The following TBC1D22B variants were observed in gnomAD, a reference collection of about 807,000 sequenced individuals.
The protein encoded by TBC1D22B is TBC1 domain family member 22B.
TBC1D22B carries 32 observed loss-of-function variants against 69.1 expected under a neutral mutation model. The ratio of observed to expected loss-of-function variants is 0.46; its 90% CI spans 0.35 to 0.62. The LOEUF (loss-of-function observed/expected upper bound fraction) is 0.62, where lower values mean the gene tolerates loss of function less well. TBC1D22B is among the 20% of genes least tolerant of loss of function. The pLI is 0.00. For missense variants in TBC1D22B, 462 were observed against 630.9 expected, an observed-to-expected ratio of 0.73 and a Z score of 2.87; for synonymous variants, 206 against 229.8, an observed-to-expected ratio of 0.90 and a Z score of 0.94.
intron 8 of TBC1D22B, among the ~76,000 whole-genome samples, chr6:37,291,755 G>A (rs1767192979): frequency 6.6e-6 from 1 of 152,180 alleles, no homozygotes; most frequent in East Asian, 1.9e-4. Flanking sequence ...ATGTGGACGT[G>A]CAGAGGACAA....
chr6:37,282,303 C>A lies in TBC1D22B; in HGVS notation c.540C>A (p.Val180=), dbSNP rs763426723. 1 of 1,613,946 alleles carries A rather than the reference C, an allele frequency of 6.2e-7. No homozygotes were observed. Among genetic ancestry groups the A allele is most frequent in the Non-Finnish European group, 8.5e-7 (1 of 1,179,874 alleles). The change falls in exon 4 of 13, where the codon GTC becomes GTA. Residue 180 remains valine, a synonymous_variant. Transcript: ENST00000373491. ...CTTCTGGGGCCCCCCCAATGACTGT[C>A]CGGGAGAAAACCCGCCTAGAAAAAT... ...QNASGAPPMT[V]REKTRLEKFR... is the part of the protein sequence containing the mutation.
intron 6 of TBC1D22B, among the ~76,000 whole-genome samples, chr6:37,284,816 A>G (rs1157703604): frequency 6.6e-6 from 1 of 152,158 alleles, no homozygotes; most frequent in Non-Finnish European, 1.5e-5. Context: ...CTCCCTTGCA[A>G]TGCTGCTGCT....
At chr6:37,307,418 T>C (rs1767758678) in intron 8 of TBC1D22B, among the ~76,000 whole-genome samples, 1 of 151,356 alleles carries the variant, frequency 6.6e-6, no homozygotes, top group Non-Finnish European at 1.5e-5. Context: ...TGCAGTGGCA[T>C]AATCTCGGCT....
chr6:37,273,546 T>C (rs1222800987), intron 2 of TBC1D22B, among the ~76,000 whole-genome samples: 1 of 152,258 alleles, frequency 6.6e-6, no homozygotes, highest in Admixed American at 6.5e-5. Flanking sequence ...AGGCAAACTT[T>C]ATATACTATT....
chr6:37,325,428 T>C (rs913471592), intron 12 of TBC1D22B, among the ~76,000 whole-genome samples: 3 of 152,188 alleles, frequency 2.0e-5, no homozygotes, highest in Admixed American at 6.5e-5. Flanking sequence ...ACTGGCTTTG[T>C]AACAAATCTT....
At chr6:37,317,876 A>G (rs1192317049) in intron 12 of TBC1D22B, among the ~76,000 whole-genome samples, 1 of 152,096 alleles carries the variant, frequency 6.6e-6, no homozygotes, top group Non-Finnish European at 1.5e-5. Flanking sequence ...AGCATGCCTG[A>G]GCTATGGAAG....
intron 1 of TBC1D22B, among the ~76,000 whole-genome samples, chr6:37,261,940 GGTCAGTGTGTGT>G (rs1766111297): frequency 1.1e-5 from 1 of 91,986 alleles, no homozygotes; most frequent in African/African-American, 4.1e-5. Flanking sequence ...AAAAAGCTTT[GGTCAGTGTGTGT>G]GTGTGTGTGT....
At chr6:37,313,420 G>T (rs548223885) in intron 9 of TBC1D22B, among the ~76,000 whole-genome samples, 9 of 152,044 alleles carry the variant, frequency 5.9e-5, no homozygotes, top group African/African-American at 2.2e-4. Flanking sequence ...AGCCTAGGAG[G>T]TCAAAGCTGT....
chr6:37,317,264 C>T, intron 12 of TBC1D22B, 58 bp downstream of exon 12: 1 of 1,495,820 alleles, frequency 6.7e-7, no homozygotes, highest in East Asian at 2.5e-5. Context: ...GGAGTTAGCC[C>T]CTCAGTGGGC....
chr6:37,311,737 T>C (rs1767918242), intron 8 of TBC1D22B, among the ~76,000 whole-genome samples: 1 of 152,200 alleles, frequency 6.6e-6, no homozygotes, highest in Admixed American at 6.5e-5. Context: ...CTAATGCCTG[T>C]GTCTCTGTAG....
rs78842403 is a variant in TBC1D22B at position 37,275,708 on chromosome 6, G to A, written c.114-3596G>A. Among the ~76,000 whole-genome samples, 861 of 151,746 alleles carry A rather than the reference G, an allele frequency of 5.7e-3. 5 individuals carry two copies. Among genetic ancestry groups the A allele is most frequent in the African/African-American group, 0.017 (702 of 41,056 alleles). On this transcript the variant is annotated intron_variant, in intron 2 of 12. Transcript: ENST00000373491. ...ATATTAAAATTTAGCATAGGGTCTG[G>A]TGAGTATTCAATATTTATGAATATT...
rs144361234 is a variant in TBC1D22B, at chr6:37,262,331, C to T, written c.56+4358C>T. On this transcript the variant is annotated intron_variant, in intron 1 of 12. Transcript: ENST00000373491. The stretch of plus-strand genomic sequence containing the variant: ...GTTCTGAGATTATAGGTGTGAGCCA[C>T]CGTGCCCAGCCCTGGCTAATTTTTG... Among the ~76,000 whole-genome samples, 781 of 152,188 alleles carry T rather than the reference C, an allele frequency of 5.1e-3. 7 individuals are homozygous for T. The highest frequency in any genetic ancestry group is 6.7e-3 in the Non-Finnish European group (459 of 68,004).
intron 12 of TBC1D22B, among the ~76,000 whole-genome samples, chr6:37,323,524 G>A (rs1768310072): frequency 6.6e-6 from 1 of 152,214 alleles, no homozygotes; most frequent in Non-Finnish European, 1.5e-5. Flanking sequence ...GTGAGTGAGT[G>A]AAATGACAAG....
chr6:37,306,941 G>A (rs533597854), intron 8 of TBC1D22B, among the ~76,000 whole-genome samples: 1 of 152,266 alleles, frequency 6.6e-6, no homozygotes, highest in South Asian at 2.1e-4. Flanking sequence ...TGGGAATCTC[G>A]AAATAAGTCT....
At position 37,316,776 on chromosome 6, in the gene TBC1D22B, G is replaced by A; in HGVS notation, c.1239G>A (p.Leu413=). The change falls in exon 11 of 13, where the codon CTG becomes CTA. Residue 413 remains leucine, a synonymous_variant. Coordinates refer to ENST00000373491, the MANE Select transcript of TBC1D22B (RefSeq NM_017772.4). ...TTGCCTTCCGCTGGATGAACAACCT[G>A]CTTATGCGGGAGCTTCCTCTTCGCT... ...LQFAFRWMNN[L]LMRELPLRCT... is the part of the protein sequence containing the mutation. 6.2e-7 allele frequency: 1 copy of A among 1,614,240 alleles called. No individual in the cohort carries two copies. Among genetic ancestry groups the A allele is most frequent in the Non-Finnish European group, 8.5e-7 (1 of 1,180,048 alleles).
rs773727576 is a variant in TBC1D22B, at chr6:37,282,211, C to G, written c.448C>G (p.His150Asp). The G allele has an allele frequency of 8.1e-6, 13 of 1,614,236 alleles. No individual in the cohort carries two copies. In the South Asian group the frequency reaches 1.4e-4, roughly 18 times the overall value. ...SSDTCLRNPL[H>D]KQQSLPLRPI... ...TGATACATGCCTGAGGAACCCACTC[C>G]ACAAACAGCAATCACTCCCTCTCCG... Residue 150 changes from histidine (H) to aspartate (D), a missense_variant, in exon 4 of 13, where the codon CAC becomes GAC. By Grantham distance (81) the His-to-Asp change is moderately conservative. Coordinates refer to ENST00000373491, the MANE Select transcript of TBC1D22B (RefSeq NM_017772.4).
At chr6:37,271,717 C>T (rs1766488430) in intron 2 of TBC1D22B, among the ~76,000 whole-genome samples, 1 of 152,096 alleles carries the variant, frequency 6.6e-6, no homozygotes, top group African/African-American at 2.4e-5. Context: ...TAAAAAATAA[C>T]TTAGCTGAAT....
intron 8 of TBC1D22B, among the ~76,000 whole-genome samples, chr6:37,302,807 A>G (rs116790867): frequency 4.5e-4 from 69 of 152,312 alleles, no homozygotes; most frequent in African/African-American, 1.6e-3. Context: ...GCTGCACATA[A>G]CAGGGAACCC....
At chr6:37,324,359 C>T (rs1158686200) in intron 12 of TBC1D22B, 5 of 456,406 alleles carry the variant, frequency 1.1e-5, no homozygotes, top group Admixed American at 4.7e-5. Flanking sequence ...GAGGTGGCAC[C>T]GATGATAAAA....
Sources: allele counts gnomAD v4.1 joint callset (sites outside exome capture counted in the v4.1 genomes callset), GRCh38; gene constraint gnomAD v4.1.1; transcripts MANE v1.5; gene names NCBI Gene and HGNC (gene_info 2026-07-23, HGNC 2026-07-21).